The following FAT3 variants were observed in gnomAD, a reference collection of about 807,000 sequenced individuals.
The protein encoded by FAT3 is protocadherin Fat 3.
Under a neutral mutation model 310.2 loss-of-function variants are expected in FAT3, and 95 were observed. The ratio of observed to expected loss-of-function variants is 0.31; its 90% confidence interval spans 0.26 to 0.36. FAT3 has a LOEUF of 0.36. FAT3 is among the 10% of genes least tolerant of loss of function. The pLI is 1.00. For missense variants in FAT3, 5,408 were observed against 5,715.6 expected (o/e 0.95, Z 1.74); for synonymous variants, 2,314 against 2,192.9 (o/e 1.06, Z -1.54).
intron 3 of FAT3, among the ~76,000 whole-genome samples, chr11:92,625,443 C>T (rs890077606): frequency 2.0e-5 from 3 of 152,076 alleles, no homozygotes; most frequent in African/African-American, 7.2e-5. Flanking sequence ...ACTCCCCCTG[C>T]CCAAGACAGT....
chr11:92,539,650 T>C (rs1954376102), intron 3 of FAT3, among the ~76,000 whole-genome samples: 1 of 152,190 alleles, frequency 6.6e-6, no homozygotes, highest in Non-Finnish European at 1.5e-5. Context: ...ATGTGAATTT[T>C]TGGACTTGTT....
chr11:92,802,737 A>G (rs1737716575), intron 10 of FAT3, among the ~76,000 whole-genome samples: 1 of 152,222 alleles, frequency 6.6e-6, no homozygotes, highest in Non-Finnish European at 1.5e-5. Context: ...CAAAGTGCCA[A>G]AAGATTGTAA....
intron 4 of FAT3, among the ~76,000 whole-genome samples, chr11:92,736,332 C>T (rs1945347175): frequency 6.6e-6 from 1 of 152,098 alleles, no homozygotes; most frequent in African/African-American, 2.4e-5. Context: ...TTCCAAGATG[C>T]TCACCAAGCC....
intron 7 of FAT3, among the ~76,000 whole-genome samples, chr11:92,786,555 C>T (rs780776635): frequency 6.6e-6 from 1 of 151,920 alleles, no homozygotes; most frequent in Admixed American, 6.6e-5. Flanking sequence ...ACCGAAATGC[C>T]GTTTCTCATC....
At chr11:92,412,402 ATTTTTTT>A (rs780298367) in intron 2 of FAT3, among the ~76,000 whole-genome samples, 1 of 101,126 alleles carries the variant, frequency 9.9e-6, no homozygotes, top group Non-Finnish European at 1.9e-5. Flanking sequence ...GACCCGGCCT[ATTTTTTT>A]TTTTTTTTTT....
intron 3 of FAT3, among the ~76,000 whole-genome samples, chr11:92,616,062 A>T (rs1940789499): frequency 6.6e-6 from 1 of 152,088 alleles, no homozygotes; most frequent in African/African-American, 2.4e-5. Flanking sequence ...GATCTGTCTA[A>T]TGTTGACAGT....
rs2136083878 is a variant in FAT3 at position 92,761,907 on chromosome 11, G to A, written c.3721G>A (p.Val1241Met). Residue 1241 changes from valine to methionine, a missense_variant, in exon 5 of 28, where the codon GTG becomes ATG. Around this residue, in one of 5 missense-constraint regions of FAT3, gnomAD observed 4,588 missense variants for 4,809.8 expected, o/e 0.95. Coordinates refer to ENST00000525166, the MANE Select transcript of FAT3 (RefSeq NM_001367949.2). ...TCCAAAACAGTCAACCATTTGGGTG[G>A]TGGTTCAGGTTCTAGATGAAAATGA... ...PSPKQSTIWV[V>M]VQVLDENDNK... is the part of the protein sequence containing the mutation. 6.2e-7 allele frequency: 1 copy of A among 1,613,942 alleles called. No homozygotes were observed. The highest frequency in any genetic ancestry group is 1.3e-5 in the African/African-American group (1 of 75,020).
chr11:92,489,602 A>G (rs554339595), intron 2 of FAT3, among the ~76,000 whole-genome samples: 1 of 152,228 alleles, frequency 6.6e-6, no homozygotes, highest in African/African-American at 2.4e-5. Context: ...TACAAAAAAA[A>G]GCAAAACATC....
intron 5 of FAT3, among the ~76,000 whole-genome samples, chr11:92,762,929 AG>A (rs1269625318): frequency 2.0e-5 from 3 of 152,158 alleles, no homozygotes; most frequent in African/African-American, 7.2e-5. Context: ...AGGCCGAGGC[AG>A]GCGGATCACT....
At chr11:92,458,066 T>C (rs1424703281) in intron 2 of FAT3, among the ~76,000 whole-genome samples, 1 of 152,254 alleles carries the variant, frequency 6.6e-6, no homozygotes, top group Non-Finnish European at 1.5e-5. Context: ...CTACTGCTTA[T>C]GCCCAGAAGA....
intron 1 of FAT3, among the ~76,000 whole-genome samples, chr11:92,290,165 T>C (rs1486101647): frequency 1.3e-5 from 2 of 152,124 alleles, no homozygotes. Context: ...TGGGGCCTTA[T>C]CTGAATACCC....
At chr11:92,692,141 G>T (rs530800318) in intron 3 of FAT3, among the ~76,000 whole-genome samples, 1 of 152,166 alleles carries the variant, frequency 6.6e-6, no homozygotes, top group African/African-American at 2.4e-5. Flanking sequence ...AAGGCTATCA[G>T]GAATTGCTCT....
At position 92,716,645 on chromosome 11, in the gene FAT3, A is replaced by G. The variant is rs141818041; in HGVS notation, c.3669+19200A>G. 2.8e-3 allele frequency among the ~76,000 whole-genome samples: 426 copies of G among 152,278 alleles called. 1 individual carries two copies. Among genetic ancestry groups the G allele is most frequent in the African/African-American group, 9.5e-3 (396 of 41,548 alleles). On this transcript the variant is annotated intron_variant, in intron 4 of 27. Coordinates refer to ENST00000525166, the MANE Select transcript of FAT3 (RefSeq NM_001367949.2). ...CAGGTGAGTTGGACTTAGGGTCCATATATTTTAATTTTCTTTTTACTTGCA... is the reference window on the plus strand; with the variant it reads ...CAGGTGAGTTGGACTTAGGGTCCATGTATTTTAATTTTCTTTTTACTTGCA...
At chr11:92,346,644 ATGTT>A (rs1165411886) in intron 1 of FAT3, among the ~76,000 whole-genome samples, 1 of 152,164 alleles carries the variant, frequency 6.6e-6, no homozygotes. Flanking sequence ...GCCGGACACT[ATGTT>A]AAGCCTTTTA....
intron 4 of FAT3, among the ~76,000 whole-genome samples, chr11:92,705,542 T>TGAC (rs1432965696): frequency 1.7e-4 from 3 of 17,668 alleles, no homozygotes; most frequent in Admixed American, 8.3e-4. Context: ...GGTGTGATGG[T>TGAC]GTGATGGTGG....
At chr11:92,780,005 G>A (rs759888889) in intron 7 of FAT3, among the ~76,000 whole-genome samples, 36 of 152,006 alleles carry the variant, frequency 2.4e-4, no homozygotes, top group African/African-American at 8.7e-4. Context: ...AACTATATTC[G>A]GTCAAACAAC....
At chr11:92,731,180 G>A (rs1326583613) in intron 4 of FAT3, among the ~76,000 whole-genome samples, 1 of 152,174 alleles carries the variant, frequency 6.6e-6, no homozygotes, top group Non-Finnish European at 1.5e-5. Context: ...GTTCATTGAT[G>A]TTTTGCTTTC....
chr11:92,653,122 G>C (rs969242151), intron 3 of FAT3, among the ~76,000 whole-genome samples: 1 of 152,264 alleles, frequency 6.6e-6, no homozygotes, highest in East Asian at 1.9e-4. Flanking sequence ...TTGTGCCATT[G>C]CACTCCAGCT....
intron 7 of FAT3, among the ~76,000 whole-genome samples, chr11:92,787,464 T>G (rs1467699000): frequency 6.6e-6 from 1 of 150,464 alleles, no homozygotes; most frequent in African/African-American, 2.4e-5. Context: ...ATCTAGTTGG[T>G]GGCACATCTA....
Sources: gnomAD v4.1 joint callset for allele counts (sites outside exome capture counted in the v4.1 genomes callset) on GRCh38, gnomAD v4.1.1 for gene constraint, gnomAD v4.1.1 regional missense constraint, MANE v1.5 for transcripts, NCBI Gene and HGNC (gene_info 2026-07-23, HGNC 2026-07-21) for gene names.